TRAPPC12: variants seen among roughly 807,000 people sequenced by gnomAD.
TRAPPC12 encodes trafficking protein particle complex subunit 12.
In TRAPPC12, 61 loss-of-function variants were observed where a neutral mutation model predicts 69.2. That is an observed-to-expected ratio of 0.88 (90% CI 0.72 to 1.09). The LOEUF is 1.09. TRAPPC12 is among the 50% of genes least tolerant of loss of function. The probability of loss-of-function intolerance (pLI) is 0.00; values close to 1 mark genes in which losing one functional copy is unlikely to be tolerated. For missense variants in TRAPPC12, 1,101 were observed against 1,016.4 expected (o/e 1.08, Z -1.13); for synonymous variants, 469 against 438.9 (o/e 1.07, Z -0.86).
At chr2:3,463,276 T>G (rs1340333165) in intron 8 of TRAPPC12, among the ~76,000 whole-genome samples, 1 of 151,976 alleles carries the variant, frequency 6.6e-6, no homozygotes, top group African/African-American at 2.4e-5. Flanking sequence ...ATGGGCCCCC[T>G]GAAGTGCCCC....
intron 4 of TRAPPC12, among the ~76,000 whole-genome samples, chr2:3,422,389 T>C (rs1662860816): frequency 6.6e-6 from 1 of 152,176 alleles, no homozygotes; most frequent in Non-Finnish European, 1.5e-5. Flanking sequence ...ATGTGCCATT[T>C]GCTCCTCGTG....
At chr2:3,443,922 G>A (rs774008542) in intron 6 of TRAPPC12, 31 bp downstream of exon 6, 20 of 1,547,658 alleles carry the variant, frequency 1.3e-5, no homozygotes, top group East Asian at 4.5e-5. Flanking sequence ...TCCCTGCCAC[G>A]GGGAGAACAT....
intron 3 of TRAPPC12, among the ~76,000 whole-genome samples, chr2:3,416,915 C>A (rs1662445908): frequency 7.3e-6 from 1 of 137,828 alleles, no homozygotes; most frequent in Non-Finnish European, 1.6e-5. Flanking sequence ...CTGTGCCCTC[C>A]CCCTGCCCCT....
intron 8 of TRAPPC12, among the ~76,000 whole-genome samples, chr2:3,464,952 C>T (rs1665723869): frequency 6.6e-6 from 1 of 152,236 alleles, no homozygotes; most frequent in South Asian, 2.1e-4. Context: ...TGGCAGAAAC[C>T]AGATGCCCTG....
intron 5 of TRAPPC12, among the ~76,000 whole-genome samples, chr2:3,441,519 T>G (rs1041394536): frequency 2.4e-4 from 36 of 152,064 alleles, no homozygotes; most frequent in African/African-American, 8.7e-4. Context: ...CTTGTCAGAG[T>G]TTTATTGGTC....
At chr2:3,451,634 C>T (rs1392661151) in intron 6 of TRAPPC12, among the ~76,000 whole-genome samples, 1 of 152,138 alleles carries the variant, frequency 6.6e-6, no homozygotes, top group Non-Finnish European at 1.5e-5. Context: ...AGCAATTCTT[C>T]TGCCTCGCCC....
rs146562015 is a variant in TRAPPC12 at position 3,388,303 on chromosome 2, T to C, written c.680T>C (p.Phe227Ser). 1.2e-4 allele frequency: 185 copies of C among 1,607,076 alleles called. 1 individual carries two copies. The highest frequency in any genetic ancestry group is 2.2e-4 in the Admixed American group (13 of 59,638). ...HSLASDFFDSFTTSAFISVSN... is the reference protein window; with the variant it reads ...HSLASDFFDSSTTSAFISVSN... ...TTGGCCTCGGACTTCTTCGACTCCT[T>C]TACTACCTCCGCCTTCATTTCCGTC... The change falls in exon 2 of 12, where the codon TTT (phenylalanine) becomes TCT (serine). Residue 227 changes from phenylalanine (F) to serine (S), a missense_variant. Phe to Ser is a radical substitution (Grantham distance 155). Transcript: ENST00000324266.
Position 3,388,268 on chromosome 2 carries a change from C to T in TRAPPC12, c.645C>T (p.Ala215=). 1.2e-6 allele frequency: 2 copies of T among 1,608,090 alleles called. No homozygotes were observed. The highest frequency in any genetic ancestry group is 1.1e-5 in the South Asian group (1 of 90,564). ...GCACGTTCTTCGGAGACACGGCCGCCAGCCACTCCTTGGCCTCGGACTTCT... is the reference window on the plus strand; with the variant it reads ...GCACGTTCTTCGGAGACACGGCCGCTAGCCACTCCTTGGCCTCGGACTTCT... ...SLSTFFGDTA[A]SHSLASDFFD... The change falls in exon 2 of 12, where the codon GCC becomes GCT. Residue 215 remains alanine, a synonymous_variant. Transcript: ENST00000324266.
chr2:3,397,569 TTTC>T (rs1661206066), intron 2 of TRAPPC12, among the ~76,000 whole-genome samples: 1 of 152,222 alleles, frequency 6.6e-6, no homozygotes. Flanking sequence ...ACACAAACCC[TTTC>T]TCTGCTTAGC....
chr2:3,405,904 C>G (rs1289035021), intron 3 of TRAPPC12, among the ~76,000 whole-genome samples: 1 of 152,194 alleles, frequency 6.6e-6, no homozygotes, highest in Non-Finnish European at 1.5e-5. Flanking sequence ...TCTCTTTTCT[C>G]TCCTCATGCC....
chr2:3,454,451 C>T (rs1003136712), intron 6 of TRAPPC12, among the ~76,000 whole-genome samples: 1 of 151,262 alleles, frequency 6.6e-6, no homozygotes, highest in Non-Finnish European at 1.5e-5. Flanking sequence ...CGTCTCCTAC[C>T]CCTGCACCTT....
chr2:3,389,265 G>A (rs556917830), intron 2 of TRAPPC12, among the ~76,000 whole-genome samples: 1 of 152,324 alleles, frequency 6.6e-6, no homozygotes, highest in African/African-American at 2.4e-5. Context: ...GCCCAGGTTC[G>A]CCCACTAGGC....
At position 3,387,645 on chromosome 2, in the gene TRAPPC12, G is replaced by A. The variant is rs772409038; in HGVS notation, c.22G>A (p.Glu8Lys). ...GGTCATGGAGGACGCTGGCGGCGGCGAGGAGACCCCGGCCCCGGAGGCCCC... is the reference window on the plus strand; with the variant it reads ...GGTCATGGAGGACGCTGGCGGCGGCAAGGAGACCCCGGCCCCGGAGGCCCC... MEDAGGG[E>K]ETPAPEAPHP... The change falls in exon 2 of 12, where the codon GAG (glutamate) becomes AAG (lysine). Residue 8 changes from glutamate to lysine, a missense_variant. Glu to Lys is a moderately conservative substitution (Grantham distance 56, BLOSUM62 1). Coordinates refer to ENST00000324266, the MANE Select transcript of TRAPPC12 (RefSeq NM_016030.6). 13 of 1,544,890 alleles carry A rather than the reference G, an allele frequency of 8.4e-6. No individual in the cohort carries two copies. Among genetic ancestry groups the A allele is most frequent in the Non-Finnish European group, 1.1e-5 (13 of 1,142,766 alleles).
intron 6 of TRAPPC12, among the ~76,000 whole-genome samples, chr2:3,452,167 A>G (rs1000512872): frequency 2.0e-5 from 3 of 151,822 alleles, no homozygotes; most frequent in Non-Finnish European, 4.4e-5. Context: ...AGGCTCCGTC[A>G]TACACCCGCT....
intron 9 of TRAPPC12, among the ~76,000 whole-genome samples, chr2:3,470,002 T>C (rs188012059): frequency 3.3e-5 from 5 of 152,268 alleles, no homozygotes; most frequent in Admixed American, 6.5e-5. Flanking sequence ...TTGAATGTTA[T>C]CTCCAGACCA....
chr2:3,441,661 A>ATTATTTTCTTATAATAAAATATT (rs879643312), intron 5 of TRAPPC12, among the ~76,000 whole-genome samples: 5,054 of 147,198 alleles, frequency 0.034, 130 homozygotes, highest in Non-Finnish European at 0.055. Flanking sequence ...TAATATTTTT[A>ATTATTTTCTTATAATAAAATATT]TTATTTTCTT....
chr2:3,431,758 C>T (rs1009617915), intron 5 of TRAPPC12, among the ~76,000 whole-genome samples: 1 of 152,192 alleles, frequency 6.6e-6, no homozygotes, highest in African/African-American at 2.4e-5. Flanking sequence ...ACATTTGTTA[C>T]AATTGATGAA....
chr2:3,479,491 C>G lies in TRAPPC12; in HGVS notation c.*30C>G. 1 of 1,608,098 alleles carries G rather than the reference C, an allele frequency of 6.2e-7. No homozygotes were observed. Among genetic ancestry groups the G allele is most frequent in the South Asian group, 1.1e-5 (1 of 90,530 alleles). ...CTCCAACACACTACGTCAGAAGGAC[C>G]CGGGTCTTTGAAACTGTGTCTTGAA... On this transcript the variant is annotated 3_prime_UTR_variant, in exon 12 of 12. Transcript: ENST00000324266.
chr2:3,467,409 C>T (rs561086431), intron 9 of TRAPPC12: 1 of 152,362 alleles, frequency 6.6e-6, no homozygotes, highest in South Asian at 2.1e-4. Flanking sequence ...AGCAAGGTCT[C>T]TGAATTCTGT....
Sources: gnomAD v4.1 joint callset for allele counts (sites outside exome capture counted in the v4.1 genomes callset) on GRCh38, gnomAD v4.1.1 for gene constraint, MANE v1.5 for transcripts, NCBI Gene and HGNC (gene_info 2026-07-23, HGNC 2026-07-21) for gene names.